PALD1: variants seen among roughly 807,000 people sequenced by gnomAD.
The protein encoded by PALD1 is phosphatase domain containing paladin 1.
A neutral mutation model predicts 96.0 loss-of-function variants in PALD1; 57 were observed. The ratio of observed to expected loss-of-function variants is 0.59; its 90% confidence interval spans 0.48 to 0.74. The LOEUF is 0.74. Among genes scored for constraint, PALD1 ranks in the 30% least tolerant of loss-of-function variants. The probability of loss-of-function intolerance (pLI) is 0.00; values close to 1 mark genes in which losing one functional copy is unlikely to be tolerated. For missense variants in PALD1, 1,063 were observed against 1,143.7 expected (o/e 0.93, Z 1.02); for synonymous variants, 464 against 473.6 (o/e 0.98, Z 0.26).
intron 18 of PALD1, among the ~76,000 whole-genome samples, chr10:70,556,388 T>A (rs1454372988): frequency 6.6e-6 from 1 of 151,984 alleles, no homozygotes; most frequent in Admixed American, 6.6e-5. Context: ...CAATCATACC[T>A]CACTGTAGCC....
intron 1 of PALD1, among the ~76,000 whole-genome samples, chr10:70,516,152 A>G (rs1433732772): frequency 6.6e-6 from 1 of 152,064 alleles, no homozygotes; most frequent in African/African-American, 2.4e-5. Context: ...TTTTTTTGAG[A>G]TGGAGTCTCG....
At chr10:70,499,692 T>C (rs1231722750) in intron 1 of PALD1, among the ~76,000 whole-genome samples, 1 of 152,208 alleles carries the variant, frequency 6.6e-6, no homozygotes, top group Admixed American at 6.5e-5. Context: ...CTTGCTCCCC[T>C]GCCCGAAGCT....
intron 2 of PALD1, among the ~76,000 whole-genome samples, chr10:70,527,482 A>T (rs1846891779): frequency 6.6e-6 from 1 of 152,166 alleles, no homozygotes; most frequent in Non-Finnish European, 1.5e-5. Context: ...TGGAATGTTG[A>T]CACTTCCTTT....
intron 1 of PALD1, among the ~76,000 whole-genome samples, chr10:70,521,042 C>T (rs1045795287): frequency 6.6e-6 from 1 of 152,100 alleles, no homozygotes; most frequent in Non-Finnish European, 1.5e-5. Flanking sequence ...TGTCTGTGTG[C>T]CAGACTTTCT....
chr10:70,472,509 C>T, the PALD1 span, among the ~76,000 whole-genome samples: 1 of 152,160 alleles, frequency 6.6e-6, no homozygotes, highest in Non-Finnish European at 1.5e-5. Context: ...GATCTGCCCG[C>T]CTCAGCCTCC....
chr10:70,560,569 G>T (rs140463658), intron 18 of PALD1, among the ~76,000 whole-genome samples: 3 of 151,938 alleles, frequency 2.0e-5, no homozygotes, highest in Non-Finnish European at 4.4e-5. Flanking sequence ...CGCTCGGCCC[G>T]CAGGTGGCAC....
chr10:70,472,310 G>A, the PALD1 span, among the ~76,000 whole-genome samples: 1 of 152,134 alleles, frequency 6.6e-6, no homozygotes, highest in Non-Finnish European at 1.5e-5. Flanking sequence ...GCCTGGGCTG[G>A]AGTGCAATGA....
chr10:70,508,633 T>C (rs895498243), intron 1 of PALD1, among the ~76,000 whole-genome samples: 5 of 152,168 alleles, frequency 3.3e-5, no homozygotes, highest in Non-Finnish European at 7.4e-5. Context: ...CACCCACTGT[T>C]CTTGTGACTG....
In PALD1 at chr10:70,539,650, G is replaced by C. The variant is rs752210117; in HGVS notation, c.1796G>C (p.Arg599Thr). 1.9e-6 allele frequency: 3 copies of C among 1,613,752 alleles called. No homozygotes were observed. The South Asian group carries it at 3.3e-5, about 18-fold the overall frequency. Reference sequence around the variant, plus strand: ...GGCAAGGAGGGCCCCCTGACCTACAGGTTCCAGACCTGCCTTACCATGCAG... The same window carrying C: ...GGCAAGGAGGGCCCCCTGACCTACACGTTCCAGACCTGCCTTACCATGCAG... Reference protein sequence around the residue: ...PPGKEGPLTYRFQTCLTMQEV... With the variant: ...PPGKEGPLTYTFQTCLTMQEV... The change falls in exon 15 of 20, where the codon AGG becomes ACG. Residue 599 changes from arginine (R) to threonine (T), a missense_variant. Coordinates refer to ENST00000263563, the MANE Select transcript of PALD1 (RefSeq NM_014431.3). The surrounding 1 kb of genome is among the most constrained non-coding windows in gnomAD (Gnocchi z 4.5).
At chr10:70,516,616 C>T (rs918547973) in intron 1 of PALD1, among the ~76,000 whole-genome samples, 1 of 152,058 alleles carries the variant, frequency 6.6e-6, no homozygotes, top group Non-Finnish European at 1.5e-5. Context: ...TGCAGTAGTT[C>T]GATCATGGTT....
At chr10:70,542,881 C>A (rs1025467371) in intron 17 of PALD1, among the ~76,000 whole-genome samples, 1 of 152,150 alleles carries the variant, frequency 6.6e-6, no homozygotes, top group Non-Finnish European at 1.5e-5. Flanking sequence ...ATTTTACATT[C>A]CCACCAGCAA....
Position 70,533,997 on chromosome 10 carries a change from G to A in PALD1, c.946G>A (p.Val316Met), listed in dbSNP as rs375817135. 172 of 1,613,166 alleles carry A rather than the reference G, an allele frequency of 1.1e-4. 1 individual carries two copies. The South Asian group carries it at 1.1e-3, about 10-fold the overall frequency. The change falls in exon 8 of 20, where the codon GTG (valine) becomes ATG (methionine). Residue 316 changes from valine (V) to methionine (M), a missense_variant. Coordinates refer to ENST00000263563, the MANE Select transcript of PALD1 (RefSeq NM_014431.3). ...PALVFSCQMG[V>M]GRTNLGMVLG... ...CCTCGTCTTCAGCTGCCAGATGGGC[G>A]TGGGCAGGACCAACCTGGGCATGGT... is the stretch of plus-strand genomic sequence containing the variant.
chr10:70,554,354 T>A (rs1189326031), intron 18 of PALD1, among the ~76,000 whole-genome samples: 2 of 152,162 alleles, frequency 1.3e-5, no homozygotes, highest in Admixed American at 6.5e-5. Context: ...ACTTGAACCC[T>A]GGAGGCAGAG....
the PALD1 span, among the ~76,000 whole-genome samples, chr10:70,462,999 G>A: frequency 3.2e-3 from 494 of 152,324 alleles, no homozygotes; most frequent in Non-Finnish European, 5.4e-3. Flanking sequence ...ACATTCCACT[G>A]GAAAGATCTG....
At chr10:70,480,612 A>G (rs1845913759) in intron 1 of PALD1, among the ~76,000 whole-genome samples, 1 of 152,174 alleles carries the variant, frequency 6.6e-6, no homozygotes, top group Non-Finnish European at 1.5e-5. Context: ...TGTCCCTGGC[A>G]GGTTTCTGTT....
At chr10:70,530,174 A>C (rs892172181) in intron 4 of PALD1, 106 bp downstream of exon 4, 1 of 946,196 alleles carries the variant, frequency 1.1e-6, no homozygotes, top group Middle Eastern at 2.9e-4. Flanking sequence ...TGCATGCTGG[A>C]GAGGTGGGGT....
intron 18 of PALD1, among the ~76,000 whole-genome samples, chr10:70,554,567 C>T (rs1847552462): frequency 2.0e-5 from 3 of 152,124 alleles, no homozygotes; most frequent in Admixed American, 2.0e-4. Context: ...GGCCGCCAGC[C>T]CAGGGCGGTG....
At chr10:70,554,437 CAAAT>C (rs372221395) in intron 18 of PALD1, among the ~76,000 whole-genome samples, 2,408 of 152,004 alleles carry the variant, frequency 0.016, 24 homozygotes, top group Middle Eastern at 0.054. Flanking sequence ...TCAAAACAAA[CAAAT>C]AAACAAACAA....
At chr10:70,512,769 G>C (rs1447561894) in intron 1 of PALD1, among the ~76,000 whole-genome samples, 1 of 152,268 alleles carries the variant, frequency 6.6e-6, no homozygotes, top group African/African-American at 2.4e-5. Flanking sequence ...CCCACAAGAG[G>C]CCAGGGCAGG....
Sources: gnomAD v4.1 joint callset for allele counts (sites outside exome capture counted in the v4.1 genomes callset) on GRCh38, gnomAD v4.1.1 for gene constraint, Gnocchi (gnomAD v3.1) non-coding constraint, MANE v1.5 for transcripts, NCBI Gene and HGNC (gene_info 2026-07-23, HGNC 2026-07-21) for gene names.